The following SULF2 variants were observed in gnomAD, a reference collection of about 807,000 sequenced individuals.
The protein encoded by SULF2 is sulfatase 2.
Under a neutral mutation model 107.7 loss-of-function variants are expected in SULF2, and 52 were observed. The observed-to-expected ratio is 0.48, with a 90% CI of 0.39 to 0.61. SULF2 has a LOEUF of 0.61. SULF2 is among the 20% of genes least tolerant of loss of function. The pLI, the probability that SULF2 is intolerant of heterozygous loss-of-function variation, is 0.00. For synonymous variants in SULF2, 460 were observed against 464.3 expected, an observed-to-expected ratio of 0.99 and a Z score of 0.12; for missense variants, 993 against 1,177.3, an observed-to-expected ratio of 0.84 and a Z score of 2.29.
intron 13 of SULF2, among the ~76,000 whole-genome samples, chr20:47,665,596 G>A (rs1223323321): frequency 6.6e-6 from 1 of 152,246 alleles, no homozygotes; most frequent in East Asian, 1.9e-4. Context: ...TTGATGAAAG[G>A]CCTCCTGTAG....
intron 3 of SULF2, among the ~76,000 whole-genome samples, chr20:47,733,634 G>T (rs78540062): frequency 2.5e-4 from 38 of 152,196 alleles, no homozygotes; most frequent in African/African-American, 9.1e-4. Flanking sequence ...TTAGTCAGGC[G>T]TAGTGGCAGG....
chr20:47,728,353 G>A lies in SULF2; in HGVS notation c.415+8350C>T, dbSNP rs201405432. The stretch of plus-strand genomic sequence containing the variant: ...CAGCTGCACCAGGGGCCCAGGGACG[G>A]CATCCCGGGAATAATTTCAGTCTTC... On this transcript the variant is annotated intron_variant, in intron 3 of 20. Transcript: ENST00000688720. Among the ~76,000 whole-genome samples the A allele has an allele frequency of 1.8e-4, 27 of 152,326 alleles. No homozygotes were observed. The East Asian group carries it at 4.1e-3, about 23-fold the overall frequency.
intron 3 of SULF2, among the ~76,000 whole-genome samples, chr20:47,735,496 C>CGG (rs1039107572): frequency 6.6e-6 from 1 of 152,178 alleles, no homozygotes; most frequent in African/African-American, 2.4e-5. Context: ...TGCTGTGCTG[C>CGG]GGGCCTGCCT....
At chr20:47,683,643 C>T (rs1881863765) in intron 6 of SULF2, among the ~76,000 whole-genome samples, 2 of 152,188 alleles carry the variant, frequency 1.3e-5, no homozygotes, top group Admixed American at 6.5e-5. Flanking sequence ...CTGCACTGTC[C>T]GATATGGACA....
At chr20:47,677,427 T>C (rs905150999) in intron 8 of SULF2, among the ~76,000 whole-genome samples, 8 of 142,156 alleles carry the variant, frequency 5.6e-5, no homozygotes, top group African/African-American at 1.3e-4. Context: ...TGTGTGTGTG[T>C]GTGCGCGCAC....
chr20:47,663,350 G>A (rs1406484946), intron 16 of SULF2, 103 bp downstream of exon 16: 10 of 1,574,984 alleles, frequency 6.3e-6, no homozygotes, highest in Non-Finnish European at 8.6e-6. Context: ...TGGACCCCTG[G>A]TGTTGGGGAC....
At chr20:47,695,470 C>G (rs1251464524) in intron 4 of SULF2, among the ~76,000 whole-genome samples, 2 of 152,184 alleles carry the variant, frequency 1.3e-5, no homozygotes, top group Non-Finnish European at 2.9e-5. Context: ...TGCCAACCAC[C>G]ATTCTCCTTT....
chr20:47,677,077 C>G lies in SULF2; in HGVS notation c.1250+1G>C. ...TGTCCCTCCCAGGACCCGGCACTCA[C>G]CCTCTCTCCACCAAGAAGGAGTCCC... On this transcript the variant is annotated splice_donor_variant, in intron 9 of 20. Transcript: ENST00000688720. LOFTEE classifies it high-confidence loss of function. 1 of 1,612,948 alleles carries G rather than the reference C, an allele frequency of 6.2e-7. No homozygotes were observed. The highest frequency in any genetic ancestry group is 8.5e-7 in the Non-Finnish European group (1 of 1,179,766).
At chr20:47,714,663 A>C (rs952586961) in intron 3 of SULF2, among the ~76,000 whole-genome samples, 1 of 151,972 alleles carries the variant, frequency 6.6e-6, no homozygotes, top group African/African-American at 2.4e-5. Flanking sequence ...CTCCACATCC[A>C]CCTCAACTAA....
chr20:47,672,284 T>C lies in SULF2; in HGVS notation c.1490A>G (p.Tyr497Cys), dbSNP rs1275859917. The C allele has an allele frequency of 6.2e-7, 1 of 1,613,550 alleles. No homozygotes were observed. The highest frequency in any genetic ancestry group is 1.1e-5 in the South Asian group (1 of 91,078). The stretch of plus-strand genomic sequence containing the variant: ...GGTGCAGGCCTCGCTGCCCTGCCCG[T>C]AGTACTTGGGCACGAGGTTGGAGAG... ...RALSNLVPKY[Y>C]GQGSEACTCD... is the part of the protein sequence containing the mutation. Residue 497 changes from tyrosine to cysteine, a missense_variant, in exon 11 of 21, where the codon TAC (tyrosine) becomes TGC (cysteine). Physicochemically the swap from Tyr to Cys is radical, Grantham distance 194. This residue lies in a region of SULF2 where 497 missense variants were observed against 544.1 expected (regional missense o/e 0.91). Transcript: ENST00000688720.
chr20:47,737,160 GGTCTGGA>G (rs1325967229), intron 2 of SULF2, among the ~76,000 whole-genome samples: 6 of 152,140 alleles, frequency 3.9e-5, no homozygotes, highest in Admixed American at 1.3e-4. Context: ...CTGAGGTCCA[GGTCTGGA>G]GTCTGGAGGA....
At chr20:47,731,182 C>CTTTTTTT (rs1342480404) in intron 3 of SULF2, among the ~76,000 whole-genome samples, 14 of 99,610 alleles carry the variant, frequency 1.4e-4, no homozygotes, top group African/African-American at 3.8e-4. Flanking sequence ...TCACCTGTAT[C>CTTTTTTT]TTCTCTTTTT....
chr20:47,725,450 G>A (rs921386387), intron 3 of SULF2, among the ~76,000 whole-genome samples: 1 of 152,194 alleles, frequency 6.6e-6, no homozygotes, highest in African/African-American at 2.4e-5. Flanking sequence ...GTGCAGAGCA[G>A]GACATCAAAG....
intron 3 of SULF2, among the ~76,000 whole-genome samples, chr20:47,729,658 G>A (rs1386793833): frequency 6.6e-6 from 1 of 152,260 alleles, no homozygotes; most frequent in East Asian, 1.9e-4. Flanking sequence ...GTGCCGAGGA[G>A]AAGCCTGTGA....
rs10578438 is a variant in SULF2, at chr20:47,753,098, C to CA, written c.175+4090dup. ...CCTGGGTGACAGAGTGAGACTCTCT[C>CA]AAAAAAAAAAAAAAAAAAAAAGAAA... On this transcript the variant is annotated intron_variant, in intron 2 of 20. Coordinates refer to ENST00000688720, the MANE Select transcript of SULF2 (RefSeq NM_001387048.1). 7.6e-3 allele frequency among the ~76,000 whole-genome samples: 686 copies of CA among 90,624 alleles called. 8 individuals are homozygous for CA. The highest frequency in any genetic ancestry group is 0.023 in the East Asian group (78 of 3,378). 59.5% of individuals were successfully genotyped at this position (90,624 alleles called of 152,430 possible).
Position 47,684,515 on chromosome 20 carries a change from C to T in SULF2, c.804G>A (p.Met268Ile). The change falls in exon 6 of 21, where the codon ATG becomes ATA. Residue 268 changes from methionine (M) to isoleucine (I), a missense_variant. Coordinates refer to ENST00000688720, the MANE Select transcript of SULF2 (RefSeq NM_001387048.1). ...KHWIMRYTGP[M>I]KPIHMEFTNM... ...TGGTGAATTCCATGTGGATGGGCTTCATGGGCCCCGTGTAGCGCATGATCC... is the reference window on the plus strand; with the variant it reads ...TGGTGAATTCCATGTGGATGGGCTTTATGGGCCCCGTGTAGCGCATGATCC... 1.2e-6 allele frequency: 2 copies of T among 1,614,144 alleles called. No homozygotes were observed. The highest frequency in any genetic ancestry group is 1.7e-6 in the Non-Finnish European group (2 of 1,179,994).
At chr20:47,658,566 A>C (rs1350358467) in intron 20 of SULF2, among the ~76,000 whole-genome samples, 174 bp from the exon 21 acceptor site, 1 of 152,184 alleles carries the variant, frequency 6.6e-6, no homozygotes, top group Non-Finnish European at 1.5e-5. Context: ...TTGTTTACTT[A>C]TACACCCAAT....
chr20:47,672,801 G>A (rs2146449297), intron 10 of SULF2, among the ~76,000 whole-genome samples: 1 of 152,166 alleles, frequency 6.6e-6, no homozygotes, highest in Non-Finnish European at 1.5e-5. Flanking sequence ...CTGCAATCTG[G>A]CCCTGGCCTA....
chr20:47,755,726 G>T (rs186252068), intron 2 of SULF2, among the ~76,000 whole-genome samples: 1 of 152,200 alleles, frequency 6.6e-6, no homozygotes, highest in African/African-American at 2.4e-5. Flanking sequence ...GGGGGATCCT[G>T]TTAGAACCTA....
Sources: allele counts gnomAD v4.1 joint callset (sites outside exome capture counted in the v4.1 genomes callset), GRCh38; gene constraint gnomAD v4.1.1; regional missense constraint gnomAD v4.1.1; transcripts MANE v1.5; gene names NCBI Gene and HGNC (gene_info 2026-07-23, HGNC 2026-07-21).